The following ADAMTSL3 variants were observed in gnomAD, a reference collection of about 807,000 sequenced individuals.
The protein encoded by ADAMTSL3 is ADAMTS-like protein 3.
In ADAMTSL3, 128 loss-of-function variants were observed where a neutral mutation model predicts 201.7. That is an observed-to-expected ratio of 0.63 (90% CI 0.55 to 0.73). ADAMTSL3 has a LOEUF of 0.73. Ranked by LOEUF, ADAMTSL3 falls within the 30% of genes least tolerant of loss-of-function variation. The pLI is 0.00. For synonymous variants in ADAMTSL3, 738 were observed against 748.4 expected (o/e 0.99, Z 0.23); for missense variants, 1,990 against 2,119.6 (o/e 0.94, Z 1.20).
chr15:83,715,494 T>TCTTATTAAGTC (rs1338742517), intron 3 of ADAMTSL3, among the ~76,000 whole-genome samples: 1 of 152,182 alleles, frequency 6.6e-6, no homozygotes, highest in Admixed American at 6.5e-5. Context: ...TTTGAGATTC[T>TCTTATTAAGTC]CTTATTAAGT....
chr15:84,037,736 TA>T lies in ADAMTSL3; in HGVS notation c.5010del (p.Lys1670AsnfsTer8). ...CTDTTHYCMF[V>X]KHLNLCSLDR... ...GACACAACTCACTACTGTATGTTTG[TA>T]AAACATCTTAATTTGTGTTCTCTAG... On this transcript the variant is annotated frameshift_variant, in exon 30 of 30. Coordinates refer to ENST00000286744, the MANE Select transcript of ADAMTSL3 (RefSeq NM_207517.3). LOFTEE classifies it high-confidence loss of function. 1 of 1,613,260 alleles carries T rather than the reference TA, an allele frequency of 6.2e-7. No individual in the cohort carries two copies.
chr15:83,699,161 C>T (rs1371756987), intron 2 of ADAMTSL3, among the ~76,000 whole-genome samples: 1 of 151,922 alleles, frequency 6.6e-6, no homozygotes, highest in East Asian at 1.9e-4. Flanking sequence ...CTTCCAAATC[C>T]CTATCTCCAG....
At chr15:84,030,080 A>G (rs559019847) in intron 27 of ADAMTSL3, among the ~76,000 whole-genome samples, 4 of 152,348 alleles carry the variant, frequency 2.6e-5, no homozygotes, top group Non-Finnish European at 2.9e-5. Context: ...GTCCTCATAA[A>G]GAACCTCTGT....
At chr15:83,746,094 C>G (rs375550937) in intron 3 of ADAMTSL3, among the ~76,000 whole-genome samples, 1 of 152,066 alleles carries the variant, frequency 6.6e-6, no homozygotes. Context: ...GTGGGTTGGC[C>G]GTTCCTCTTA....
intron 5 of ADAMTSL3, among the ~76,000 whole-genome samples, chr15:83,817,471 A>G (rs1414156529): frequency 6.6e-6 from 1 of 152,214 alleles, no homozygotes; most frequent in Non-Finnish European, 1.5e-5. Flanking sequence ...TTCTAAGCCC[A>G]TTAAAAAAGA....
chr15:83,715,859 C>T (rs531164624), intron 3 of ADAMTSL3, among the ~76,000 whole-genome samples: 160 of 152,314 alleles, frequency 1.1e-3, no homozygotes, highest in African/African-American at 3.8e-3. Flanking sequence ...TGATATTTTC[C>T]TGTGCCAAGG....
At chr15:83,900,063 C>T (rs1596376422) in intron 15 of ADAMTSL3, among the ~76,000 whole-genome samples, 1 of 152,140 alleles carries the variant, frequency 6.6e-6, no homozygotes, top group Admixed American at 6.5e-5. Context: ...TACAAATAAA[C>T]CAGTCATTCC....
At chr15:83,991,954 T>C (rs1472113674) in intron 23 of ADAMTSL3, among the ~76,000 whole-genome samples, 2 of 151,964 alleles carry the variant, frequency 1.3e-5, no homozygotes, top group Non-Finnish European at 2.9e-5. Flanking sequence ...GAGGTGGGAG[T>C]GAGGGGGTTT....
At chr15:83,721,592 C>T (rs1018789994) in intron 3 of ADAMTSL3, among the ~76,000 whole-genome samples, 12 of 152,144 alleles carry the variant, frequency 7.9e-5, no homozygotes, top group Non-Finnish European at 1.6e-4. Context: ...AGCAGTATAT[C>T]ACGGAGCCTA....
rs1051472278 is a variant in ADAMTSL3, at chr15:83,804,832, C to T, written c.363+137C>T. The T allele has an allele frequency of 6.2e-5, 35 of 567,232 alleles. No homozygotes were observed. The African/African-American group carries it at 6.9e-4, about 11-fold the overall frequency. The allele number at this position is 567,232 out of a possible 1,614,324, so 35.1% of individuals were successfully genotyped here. ...ACTTAAGTATTTCTTTAATTGACAA[C>T]AGATTTTGTATATCAAATATCTTCC... On this transcript the variant is annotated intron_variant, in intron 5 of 29. Transcript: ENST00000286744.
intron 3 of ADAMTSL3, among the ~76,000 whole-genome samples, chr15:83,753,069 T>C (rs1319956768): frequency 3.3e-5 from 5 of 152,168 alleles, no homozygotes; most frequent in Admixed American, 1.3e-4. Flanking sequence ...AGCTACTAAA[T>C]GGGGCTTGGT....
intron 3 of ADAMTSL3, among the ~76,000 whole-genome samples, chr15:83,723,927 T>C (rs570116047): frequency 3.7e-4 from 56 of 152,210 alleles, no homozygotes; most frequent in Non-Finnish European, 6.6e-4. Flanking sequence ...CAGTAGTTAA[T>C]TAACAATTAA....
At chr15:83,903,932 A>AGGG (rs1567226043) in intron 15 of ADAMTSL3, among the ~76,000 whole-genome samples, 3 of 66,162 alleles carry the variant, frequency 4.5e-5, no homozygotes, top group Admixed American at 2.1e-4. Flanking sequence ...AAAAAAAAAA[A>AGGG]AAAAAAAAAA....
intron 4 of ADAMTSL3, among the ~76,000 whole-genome samples, chr15:83,791,929 C>T (rs368782174): frequency 5.9e-5 from 9 of 151,618 alleles, no homozygotes; most frequent in East Asian, 1.9e-4. Flanking sequence ...ATTTAGCATC[C>T]GGAAGAAACA....
At chr15:83,858,211 G>C (rs2064781041) in intron 7 of ADAMTSL3, among the ~76,000 whole-genome samples, 1 of 152,202 alleles carries the variant, frequency 6.6e-6, no homozygotes, top group Admixed American at 6.5e-5. Flanking sequence ...GCCACAGTTT[G>C]CAGACCCTCA....
chr15:83,683,297 C>T (rs562987972), intron 2 of ADAMTSL3, among the ~76,000 whole-genome samples: 1 of 152,276 alleles, frequency 6.6e-6, no homozygotes, highest in South Asian at 2.1e-4. Flanking sequence ...TTGCACTGCT[C>T]CATGCTTTCC....
chr15:83,932,635 T>C (rs2066382451), intron 17 of ADAMTSL3, among the ~76,000 whole-genome samples: 1 of 152,218 alleles, frequency 6.6e-6, no homozygotes, highest in Non-Finnish European at 1.5e-5. Flanking sequence ...ATCTAAGAGC[T>C]ACAAGTAGCC....
intron 7 of ADAMTSL3, among the ~76,000 whole-genome samples, chr15:83,853,906 CTCTATCTA>C (rs36062109): frequency 0.35 from 50,865 of 146,296 alleles, 9,112 homozygotes; most frequent in South Asian, 0.49. Context: ...ATCACTCTAT[CTCTATCTA>C]TCTATCTATC....
intron 25 of ADAMTSL3, among the ~76,000 whole-genome samples, chr15:84,019,322 T>C (rs1014571248): frequency 2.6e-5 from 4 of 152,122 alleles, no homozygotes; most frequent in Non-Finnish European, 5.9e-5. Flanking sequence ...TTAGACCACT[T>C]TGGAAGACGA....
Sources: allele counts gnomAD v4.1 joint callset (sites outside exome capture counted in the v4.1 genomes callset), GRCh38; gene constraint gnomAD v4.1.1; transcripts MANE v1.5; gene names NCBI Gene and HGNC (gene_info 2026-07-23, HGNC 2026-07-21).